Variants in ANKS1B observed in about 807,000 individuals in gnomAD.
The protein encoded by ANKS1B is ankyrin repeat and sterile alpha motif domain containing 1B.
In ANKS1B, 36 loss-of-function variants were observed where a neutral mutation model predicts 148.3. That is an observed-to-expected ratio of 0.24 (90% CI 0.19 to 0.32). The LOEUF (loss-of-function observed/expected upper bound fraction) is 0.32, where lower values mean the gene tolerates loss of function less well. Among genes scored for constraint, ANKS1B ranks in the 10% least tolerant of loss-of-function variants. ANKS1B has a pLI of 1.00. For synonymous variants in ANKS1B, 542 were observed against 560.8 expected (o/e 0.97, Z 0.47); for missense variants, 1,157 against 1,542.6 (o/e 0.75, Z 4.19).
At chr12:98,910,987 A>G (rs1346000467) in intron 17 of ANKS1B, among the ~76,000 whole-genome samples, 2 of 152,196 alleles carry the variant, frequency 1.3e-5, no homozygotes, top group African/African-American at 2.4e-5. Flanking sequence ...CAGAGGTAAC[A>G]TTTATGGAGA....
intron 14 of ANKS1B, among the ~76,000 whole-genome samples, chr12:99,181,288 CTT>C (rs551153018): frequency 1.1e-3 from 174 of 151,946 alleles, no homozygotes; most frequent in African/African-American, 3.8e-3. Flanking sequence ...CAGAATAAAA[CTT>C]TATAATTTCT....
chr12:99,174,293 C>T (rs2078122884), intron 14 of ANKS1B, among the ~76,000 whole-genome samples: 1 of 152,178 alleles, frequency 6.6e-6, no homozygotes, highest in Non-Finnish European at 1.5e-5. Context: ...GCCCCTTGCC[C>T]TGGCCTACAC....
At chr12:99,743,796 G>A (rs372120269) in intron 8 of ANKS1B, among the ~76,000 whole-genome samples, 2 of 152,170 alleles carry the variant, frequency 1.3e-5, no homozygotes. Flanking sequence ...AGAAAATGGA[G>A]TAGTGTTAAT....
chr12:99,850,551 T>C (rs1278275705), intron 1 of ANKS1B, among the ~76,000 whole-genome samples: 1 of 152,012 alleles, frequency 6.6e-6, no homozygotes, highest in Non-Finnish European at 1.5e-5. Context: ...ACATCAATAA[T>C]TCTAGGTTTC....
chr12:99,113,110 A>G (rs971859204), intron 15 of ANKS1B, among the ~76,000 whole-genome samples: 1 of 152,234 alleles, frequency 6.6e-6, no homozygotes. Context: ...TCTTTAATGC[A>G]GTGTTTTAGA....
At chr12:99,841,734 G>A (rs940560457) in intron 1 of ANKS1B, among the ~76,000 whole-genome samples, 1 of 151,798 alleles carries the variant, frequency 6.6e-6, no homozygotes, top group African/African-American at 2.4e-5. Flanking sequence ...CATTTCTCTA[G>A]GAAATAAGTT....
chr12:98,849,844 C>G (rs905924189), intron 17 of ANKS1B, among the ~76,000 whole-genome samples: 5 of 152,136 alleles, frequency 3.3e-5, no homozygotes, highest in Admixed American at 3.3e-4. Context: ...GGCTTAAATT[C>G]AAGAGTATTT....
intron 15 of ANKS1B, among the ~76,000 whole-genome samples, chr12:99,124,541 C>T (rs1423390105): frequency 1.3e-5 from 2 of 152,010 alleles, no homozygotes; most frequent in African/African-American, 4.8e-5. Flanking sequence ...ATAATAAAAT[C>T]TCTTTATAGA....
chr12:99,934,556 T>C (rs948418021), intron 1 of ANKS1B, among the ~76,000 whole-genome samples: 3 of 152,138 alleles, frequency 2.0e-5, no homozygotes, highest in African/African-American at 7.2e-5. Context: ...TTTTGGTATA[T>C]AGCTGCTCAC....
At chr12:99,905,564 G>A (rs771001911) in intron 1 of ANKS1B, among the ~76,000 whole-genome samples, 9 of 152,150 alleles carry the variant, frequency 5.9e-5, no homozygotes, top group Non-Finnish European at 8.8e-5. Context: ...AGTTGCTGGG[G>A]CCATAACCAA....
rs192357525 is a variant in ANKS1B at position 99,487,644 on chromosome 12, T to C, written c.1438+16832A>G. Reference sequence around the variant, plus strand: ...GGGGGGACATTTTTCAAATATAATGTGATTTATATTTTTTATTGTTGATTC... The same window carrying C: ...GGGGGGACATTTTTCAAATATAATGCGATTTATATTTTTTATTGTTGATTC... On this transcript the variant is annotated intron_variant, in intron 10 of 26. Coordinates refer to ENST00000683438, the MANE Select transcript of ANKS1B (RefSeq NM_001352186.2). Among the ~76,000 whole-genome samples, 132 of 152,256 alleles carry C rather than the reference T, an allele frequency of 8.7e-4. 1 individual carries two copies. The highest frequency in any genetic ancestry group is 3.0e-3 in the African/African-American group (124 of 41,548).
intron 10 of ANKS1B, among the ~76,000 whole-genome samples, chr12:99,450,884 GA>G (rs2095721246): frequency 6.6e-6 from 1 of 152,070 alleles, no homozygotes; most frequent in Non-Finnish European, 1.5e-5. Context: ...TCCTTTCAAA[GA>G]AAATCCAAAT....
At chr12:99,182,873 T>A (rs2079294033) in intron 14 of ANKS1B, among the ~76,000 whole-genome samples, 2 of 152,246 alleles carry the variant, frequency 1.3e-5, no homozygotes, top group South Asian at 4.1e-4. Context: ...TGAGATGATA[T>A]CTCATTGTGG....
intron 8 of ANKS1B, among the ~76,000 whole-genome samples, chr12:99,746,083 A>C (rs1485528921): frequency 6.6e-6 from 1 of 152,178 alleles, no homozygotes; most frequent in Non-Finnish European, 1.5e-5. Flanking sequence ...CCAAGTTTAC[A>C]TAACTGGTGA....
intron 25 of ANKS1B, among the ~76,000 whole-genome samples, chr12:98,771,558 C>T (rs192604084): frequency 2.6e-4 from 39 of 152,234 alleles, no homozygotes; most frequent in Admixed American, 1.1e-3. Context: ...ACTGCAGCCT[C>T]GACCTCCCAG....
At chr12:99,683,023 A>T (rs2098630225) in intron 8 of ANKS1B, among the ~76,000 whole-genome samples, 1 of 152,194 alleles carries the variant, frequency 6.6e-6, no homozygotes, top group Admixed American at 6.5e-5. Flanking sequence ...ACATGGCAGC[A>T]GACATGAGAG....
intron 1 of ANKS1B, among the ~76,000 whole-genome samples, chr12:99,847,894 C>T (rs1291194334): frequency 6.6e-6 from 1 of 151,946 alleles, no homozygotes; most frequent in East Asian, 1.9e-4. Context: ...CTTGACCTAC[C>T]CCAAAGCTTA....
At chr12:98,938,555 A>G (rs1567892036) in intron 17 of ANKS1B, among the ~76,000 whole-genome samples, 1 of 152,128 alleles carries the variant, frequency 6.6e-6, no homozygotes, top group African/African-American at 2.4e-5. Context: ...GCTTGGGAAA[A>G]CCTAAGGCAG....
intron 12 of ANKS1B, among the ~76,000 whole-genome samples, chr12:99,346,538 A>C (rs1053144172): frequency 6.6e-6 from 1 of 151,974 alleles, no homozygotes; most frequent in African/African-American, 2.4e-5. Context: ...AACTTAAAAT[A>C]TGTTATGAAG....
Sources: gnomAD v4.1 joint callset for allele counts (sites outside exome capture counted in the v4.1 genomes callset) on GRCh38, gnomAD v4.1.1 for gene constraint, MANE v1.5 for transcripts, NCBI Gene and HGNC (gene_info 2026-07-23, HGNC 2026-07-21) for gene names.